AGO3: variants seen among roughly 807,000 people sequenced by gnomAD.
The protein encoded by AGO3 is protein argonaute-3.
Under a neutral mutation model 105.5 loss-of-function variants are expected in AGO3, and 16 were observed. The observed-to-expected ratio is 0.15, with a 90% CI of 0.10 to 0.23. The LOEUF (loss-of-function observed/expected upper bound fraction) is 0.23. Among genes scored for constraint, AGO3 ranks in the 10% least tolerant of loss-of-function variants. The pLI, the probability that AGO3 is intolerant of heterozygous loss-of-function variation, is 1.00. For synonymous variants in AGO3, 340 were observed against 367.3 expected, an observed-to-expected ratio of 0.93 and a Z score of 0.85; for missense variants, 534 against 1,088.0, an observed-to-expected ratio of 0.49 and a Z score of 7.16.
intron 5 of AGO3, among the ~76,000 whole-genome samples, chr1:35,975,550 G>T (rs567741152): frequency 4.5e-4 from 68 of 151,552 alleles, no homozygotes; most frequent in African/African-American, 1.4e-3. Context: ...TTTTTTTGTT[G>T]TTGTTTTTGT....
intron 3 of AGO3, among the ~76,000 whole-genome samples, chr1:35,970,300 C>CAT (rs1401060644): frequency 2.0e-5 from 3 of 152,240 alleles, no homozygotes; most frequent in Admixed American, 6.5e-5. Flanking sequence ...AAATCTAACA[C>CAT]ATATATATAG....
At chr1:35,978,364 G>A (rs1306897669) in intron 5 of AGO3, among the ~76,000 whole-genome samples, 2 of 151,998 alleles carry the variant, frequency 1.3e-5, no homozygotes, top group Non-Finnish European at 2.9e-5. Flanking sequence ...TAATTTTTTT[G>A]TATTTTTAGT....
intron 2 of AGO3, 41 bp from the exon 3 acceptor site, chr1:35,966,914 C>A: frequency 6.4e-7 from 1 of 1,555,452 alleles, no homozygotes; most frequent in Non-Finnish European, 8.7e-7. Flanking sequence ...TATATTTCAT[C>A]TTACAGAGGA....
intron 14 of AGO3, among the ~76,000 whole-genome samples, chr1:36,037,779 C>T (rs1057138750): frequency 6.6e-6 from 1 of 152,090 alleles, no homozygotes; most frequent in Admixed American, 6.6e-5. Context: ...TCATCTCTAA[C>T]ATTCATTAAA....
chr1:36,024,787 G>A (rs762203022), intron 11 of AGO3, among the ~76,000 whole-genome samples: 1 of 152,064 alleles, frequency 6.6e-6, no homozygotes, highest in Non-Finnish European at 1.5e-5. Context: ...AGGTTCAAGC[G>A]TAAAATCAGT....
At chr1:35,973,307 C>T in intron 4 of AGO3, 68 bp from the exon 5 acceptor site, 1 of 1,331,136 alleles carries the variant, frequency 7.5e-7, no homozygotes, top group Non-Finnish European at 9.8e-7. Flanking sequence ...TCTAGTCTCC[C>T]CTTTTCTGCA....
In AGO3 at chr1:36,061,458, C is replaced by G. The variant is rs962713350; in HGVS notation, c.*5713C>G. The G allele has an allele frequency of 4.6e-5, 7 of 152,096 alleles. No individual in the cohort carries two copies. Among genetic ancestry groups the G allele is most frequent in the Middle Eastern group, 3.4e-3 (1 of 294 alleles). The allele number at this position is 152,096 out of a possible 1,614,324, so 9.4% of individuals were successfully genotyped here. On this transcript the variant is annotated 3_prime_UTR_variant, in exon 19 of 19. Coordinates refer to ENST00000373191, the MANE Select transcript of AGO3 (RefSeq NM_024852.4). ...GATTAAATCTCAAGAATCTTTTGTT[C>G]TTAAAATATGGAAGTTAAAGATTTT...
At chr1:35,934,776 G>A (rs968326353) in intron 1 of AGO3, among the ~76,000 whole-genome samples, 2 of 151,870 alleles carry the variant, frequency 1.3e-5, no homozygotes, top group East Asian at 1.9e-4. Flanking sequence ...TCAGCCTCCC[G>A]AGTAGATGGG....
At chr1:35,969,296 C>T (rs577452998) in intron 3 of AGO3, among the ~76,000 whole-genome samples, 36 of 152,196 alleles carry the variant, frequency 2.4e-4, no homozygotes, top group African/African-American at 7.9e-4. Context: ...CATTTTCTTA[C>T]ATTTCACAGG....
Position 36,055,973 on chromosome 1 carries a change from C to G in AGO3, c.*228C>G. 1 of 460,484 alleles carries G rather than the reference C, an allele frequency of 2.2e-6. No homozygotes were observed. Among genetic ancestry groups the G allele is most frequent in the Non-Finnish European group, 3.9e-6 (1 of 257,302 alleles). The allele number at this position is 460,484 out of a possible 1,614,324, so 28.5% of individuals were successfully genotyped here. ...ACCAGCCAACTGCTTTTTGTGCGGT[C>G]TCCTATAGGAAGTATCGCAATTGTT... On this transcript the variant is annotated 3_prime_UTR_variant, in exon 19 of 19. Transcript: ENST00000373191. The surrounding 1 kb of genome is among the most constrained non-coding windows in gnomAD (Gnocchi z 4.4).
rs955966214 is a variant in AGO3 at position 36,056,175 on chromosome 1, A to T, written c.*430A>T. The T allele has an allele frequency of 2.5e-5, 4 of 156,910 alleles. No individual in the cohort carries two copies. Among genetic ancestry groups the T allele is most frequent in the African/African-American group, 9.6e-5 (4 of 41,504 alleles). 9.7% of individuals were successfully genotyped at this position (156,910 alleles called of 1,614,324 possible). ...TTATGTGTGCAAAAAATTAATGTGC[A>T]TTCATATATTCTTGTAAAAGGTGTC... On this transcript the variant is annotated 3_prime_UTR_variant, in exon 19 of 19. Coordinates refer to ENST00000373191, the MANE Select transcript of AGO3 (RefSeq NM_024852.4).
intron 2 of AGO3, among the ~76,000 whole-genome samples, chr1:35,959,868 A>G (rs1448551547): frequency 1.3e-5 from 2 of 152,030 alleles, no homozygotes; most frequent in African/African-American, 4.8e-5. Context: ...TGAGATAATT[A>G]TGCTTAAATT....
intron 5 of AGO3, among the ~76,000 whole-genome samples, chr1:35,998,228 C>T (rs1050756755): frequency 5.3e-5 from 8 of 152,096 alleles, no homozygotes; most frequent in African/African-American, 1.7e-4. Context: ...CTAGTGGCTG[C>T]TCATTAATTT....
At chr1:35,997,653 T>C (rs946485554) in intron 5 of AGO3, among the ~76,000 whole-genome samples, 1 of 152,178 alleles carries the variant, frequency 6.6e-6, no homozygotes, top group Non-Finnish European at 1.5e-5. Context: ...AATTATGATG[T>C]GTTTATTAGG....
At chr1:36,013,579 A>G in intron 9 of AGO3, 51 bp from the exon 10 acceptor site, 1 of 1,607,312 alleles carries the variant, frequency 6.2e-7, no homozygotes, top group Non-Finnish European at 8.5e-7. Context: ...GCATTAAAGT[A>G]GGGGATTTGG....
At chr1:35,940,660 C>G (rs1366524218) in intron 1 of AGO3, among the ~76,000 whole-genome samples, 2 of 152,158 alleles carry the variant, frequency 1.3e-5, no homozygotes, top group Non-Finnish European at 2.9e-5. Flanking sequence ...GTCCCTAGCA[C>G]TTGACTGGAA....
intron 17 of AGO3, among the ~76,000 whole-genome samples, chr1:36,045,795 A>G (rs981055159): frequency 1.3e-5 from 2 of 152,174 alleles, no homozygotes; most frequent in African/African-American, 4.8e-5. Flanking sequence ...CACTTGCCTC[A>G]GCCTCTCAAA....
At chr1:36,021,473 T>A (rs932147095) in intron 11 of AGO3, among the ~76,000 whole-genome samples, 16 of 152,068 alleles carry the variant, frequency 1.1e-4, no homozygotes, top group African/African-American at 3.9e-4. Flanking sequence ...TTGGAATATA[T>A]ATTAATATTT....
At chr1:35,956,369 G>T (rs1646565057) in intron 2 of AGO3, among the ~76,000 whole-genome samples, 1 of 152,138 alleles carries the variant, frequency 6.6e-6, no homozygotes, top group Non-Finnish European at 1.5e-5. Context: ...ACATCAAAAT[G>T]GCAGAAGTTC....
Sources: gnomAD v4.1 joint callset for allele counts (sites outside exome capture counted in the v4.1 genomes callset) on GRCh38, gnomAD v4.1.1 for gene constraint, Gnocchi (gnomAD v3.1) non-coding constraint, MANE v1.5 for transcripts, NCBI Gene and HGNC (gene_info 2026-07-23, HGNC 2026-07-21) for gene names.